ELK1: variants seen among roughly 807,000 people sequenced by gnomAD.
The protein encoded by ELK1 is ETS domain-containing protein Elk-1.
For synonymous variants in ELK1, 163 were observed against 176.3 expected, an observed-to-expected ratio of 0.92 and a Z score of 0.60; for missense variants, 254 against 381.5, an observed-to-expected ratio of 0.67 and a Z score of 2.78.
intron 2 of ELK1, among the ~76,000 whole-genome samples, chrX:47,646,384 T>C (rs2058043476): frequency 9.0e-6 from 1 of 111,252 alleles, no homozygotes; most frequent in African/African-American, 3.3e-5. Context: ...CTGGAACTCC[T>C]GGGCTCAAGT....
At chrX:47,649,220 C>T (rs996787250) in intron 2 of ELK1, 21 of 111,275 alleles carry the variant, frequency 1.9e-4, no homozygotes, top group African/African-American at 5.6e-4. Flanking sequence ...ACTATCATCA[C>T]TGGCGCTAAT....
Position 47,636,224 on chromosome X carries a change from GAA to G in ELK1, c.*603_*604del, listed in dbSNP as rs1569338092. ...GTTGAAAAGGATAAGCTGTCTGAGA[GAA>G]AGGTTGGGGAGGTGGAAATTTCTAT... On this transcript the variant is annotated 3_prime_UTR_variant, in exon 7 of 7. Coordinates refer to ENST00000376983, the MANE Select transcript of ELK1 (RefSeq NM_001114123.3). 8.9e-6 allele frequency: 1 copy of G among 112,316 alleles called. No homozygotes were observed. The highest frequency in any genetic ancestry group is 3.3e-5 in the African/African-American group (1 of 30,689). The allele number at this position is 112,316 out of a possible 1,213,427, so 9.3% of individuals were successfully genotyped here. A position where few individuals can be genotyped will look rare whatever the true frequency, so the allele number is the denominator to read the frequency against.
intron 3 of ELK1, among the ~76,000 whole-genome samples, chrX:47,640,502 G>C (rs775928554): frequency 5.7e-4 from 63 of 111,039 alleles, no homozygotes; most frequent in African/African-American, 2.0e-3. Context: ...ATAAATATTG[G>C]GGGGAGGAGA....
At chrX:47,642,585 GTTCT>G (rs2058031988) in intron 2 of ELK1, among the ~76,000 whole-genome samples, 1 of 107,442 alleles carries the variant, frequency 9.3e-6, no homozygotes, top group Non-Finnish European at 1.9e-5. Context: ...GAATGTTCTC[GTTCT>G]TTTTTTTTTT....
At chrX:47,649,060 C>T (rs1418998077) in intron 2 of ELK1, 1 of 111,403 alleles carries the variant, frequency 9.0e-6, no homozygotes, top group Non-Finnish European at 1.9e-5. Context: ...CCTGGGCCAC[C>T]TTTGAGTAAG....
intron 2 of ELK1, among the ~76,000 whole-genome samples, chrX:47,648,668 T>G (rs2058050571): frequency 8.9e-6 from 1 of 112,349 alleles, no homozygotes; most frequent in African/African-American, 3.2e-5. Flanking sequence ...GTGGAACCAG[T>G]GTGGTTGGAG....
chrX:47,645,185 A>T (rs1217546076), intron 2 of ELK1, among the ~76,000 whole-genome samples: 1 of 110,798 alleles, frequency 9.0e-6, no homozygotes. Flanking sequence ...AGTTTTGGAG[A>T]TGGTCAGTTT....
intron 2 of ELK1, among the ~76,000 whole-genome samples, chrX:47,645,792 C>T (rs947723738): frequency 1.8e-5 from 2 of 112,293 alleles, no homozygotes; most frequent in Non-Finnish European, 3.8e-5. Context: ...GACTCAATTA[C>T]ACAATCATCG....
intron 2 of ELK1, among the ~76,000 whole-genome samples, chrX:47,643,611 T>C (rs776333138): frequency 8.9e-6 from 1 of 111,940 alleles, no homozygotes; most frequent in South Asian, 3.7e-4. Context: ...ACATCGTATA[T>C]GCATCATGTT....
In ELK1 at chrX:47,638,179, T is replaced by C; in HGVS notation, c.658A>G (p.Ile220Val). The change falls in exon 5 of 7, where the codon ATC becomes GTC. Residue 220 changes from isoleucine (I) to valine (V), a missense_variant. Transcript: ENST00000376983. ...TTTGGGGCCTCGGGCGGGGTCAGGA[T>C]GACCTGGTAGAGGAGCAGGCACAAA... Reference protein sequence around the residue: ...AEEAGLPLQVILTPPEAPNLK... With the variant: ...AEEAGLPLQVVLTPPEAPNLK... 1 of 1,208,200 alleles carries C rather than the reference T, an allele frequency of 8.3e-7. No individual in the cohort carries two copies. The highest frequency in any genetic ancestry group is 1.1e-6 in the Non-Finnish European group (1 of 893,801).
Position 47,645,702 on chromosome X carries a change from C to A in ELK1, c.-35+4219G>T, listed in dbSNP as rs1241113042. On this transcript the variant is annotated intron_variant, in intron 2 of 6. Coordinates refer to ENST00000376983, the MANE Select transcript of ELK1 (RefSeq NM_001114123.3). ...TGAGGCAGCCACCCTGAACTATCTA[C>A]CGTTCCCGAGACAGTTCCAACCTCT... Among the ~76,000 whole-genome samples the A allele has an allele frequency of 3.6e-5, 4 of 112,357 alleles. No individual in the cohort carries two copies. In the East Asian group the frequency reaches 1.1e-3, roughly 32 times the overall value.
At chrX:47,642,646 C>T (rs1046671187) in intron 2 of ELK1, among the ~76,000 whole-genome samples, 1 of 104,768 alleles carries the variant, frequency 9.5e-6, no homozygotes, top group Admixed American at 1.0e-4. Context: ...CAGGCTGGAG[C>T]GCAGTATAGT....
chrX:47,645,983 A>G (rs2058042330), intron 2 of ELK1, among the ~76,000 whole-genome samples: 1 of 110,725 alleles, frequency 9.0e-6, no homozygotes, highest in African/African-American at 3.3e-5. Flanking sequence ...TTGTTTCCTC[A>G]TCTGTAAAAT....
In ELK1 at chrX:47,637,127, G is replaced by A. The variant is rs1174272521; in HGVS notation, c.1087-13C>T. ...GCAGCACCGGGGTCTGTGGGGAGAG[G>A]GTGGTCGGAGCTCAAGTGAGTAGAA... On this transcript the variant is annotated splice_polypyrimidine_tract_variant and intron_variant, in intron 5 of 6. Transcript: ENST00000376983. 1 of 1,195,755 alleles carries A rather than the reference G, an allele frequency of 8.4e-7. No individual in the cohort carries two copies. The highest frequency in any genetic ancestry group is 1.1e-6 in the Non-Finnish European group (1 of 885,892).
At chrX:47,649,264 T>C (rs139903070) in intron 2 of ELK1, 1 of 111,358 alleles carries the variant, frequency 9.0e-6, no homozygotes, top group Non-Finnish European at 1.9e-5. Flanking sequence ...AGAACGTCTT[T>C]GTGGTTACGA....
At chrX:47,649,833 T>TGGGG (rs375216686) in intron 2 of ELK1, 88 bp downstream of exon 2, 5 of 24,039 alleles carry the variant, frequency 2.1e-4, no homozygotes, top group African/African-American at 3.3e-4. Flanking sequence ...GTGGTGGTGG[T>TGGGG]GGGGGGGGGG....
At position 47,641,437 on chromosome X, in the gene ELK1, T is replaced by C; in HGVS notation, c.5A>G (p.Asp2Gly). M[D>G]PSVTLWQFLL... ...AAACTGCCACAGCGTCACAGATGGGTCCATCGCTGGGGGAGTGCTCACGCC... is the reference window on the plus strand; with the variant it reads ...AAACTGCCACAGCGTCACAGATGGGCCCATCGCTGGGGGAGTGCTCACGCC... Residue 2 changes from aspartate to glycine, a missense_variant, in exon 3 of 7, where the codon GAC becomes GGC. By Grantham distance (94) the Asp-to-Gly change is moderately conservative (BLOSUM62 -1). Transcript: ENST00000376983. 1 of 1,208,228 alleles carries C rather than the reference T, an allele frequency of 8.3e-7. No individual in the cohort carries two copies. Among genetic ancestry groups the C allele is most frequent in the Non-Finnish European group, 1.1e-6 (1 of 893,489 alleles).
rs112137678 is a variant in ELK1, at chrX:47,647,310, G to A, written c.-35+2611C>T. Among the ~76,000 whole-genome samples, 233 of 109,749 alleles carry A rather than the reference G, an allele frequency of 2.1e-3. 1 individual carries two copies. The highest frequency in any genetic ancestry group is 6.8e-3 in the African/African-American group (205 of 30,087). On this transcript the variant is annotated intron_variant, in intron 2 of 6. Transcript: ENST00000376983. Reference sequence around the variant, plus strand: ...CAAGTAACTGGGATTACAGGCGCACGCCGCCACACCCAGCTAATTTTTTTG... The same window carrying A: ...CAAGTAACTGGGATTACAGGCGCACACCGCCACACCCAGCTAATTTTTTTG...
chrX:47,650,533 T>TGGTGGTGGC lies in ELK1; in HGVS notation c.-260_-252dup, dbSNP rs778408706. 3.8e-5 allele frequency: 12 copies of TGGTGGTGGC among 317,914 alleles called. No homozygotes were observed. Among genetic ancestry groups the TGGTGGTGGC allele is most frequent in the South Asian group, 2.9e-4 (11 of 37,383 alleles). The allele number at this position is 317,914 out of a possible 1,213,427, so 26.2% of individuals were successfully genotyped here. A position where few individuals can be genotyped will look rare whatever the true frequency, so the allele number is the denominator to read the frequency against. ...CTGGGTTCCGAGGCGGCGGTGGAGGTGGTGGTGGCGGTGGCGGCGGCAGCA... is the reference window on the plus strand; with the variant it reads ...CTGGGTTCCGAGGCGGCGGTGGAGGTGGTGGTGGCGGTGGTGGCGGTGGCGGCGGCAGCA... On this transcript the variant is annotated 5_prime_UTR_variant, in exon 1 of 7. Coordinates refer to ENST00000376983, the MANE Select transcript of ELK1 (RefSeq NM_001114123.3).
Sources: gnomAD v4.1 joint callset for allele counts (sites outside exome capture counted in the v4.1 genomes callset) on GRCh38, gnomAD v4.1.1 for gene constraint, MANE v1.5 for transcripts, NCBI Gene and HGNC (gene_info 2026-07-23, HGNC 2026-07-21) for gene names.